Variants in SEPTIN2 observed in about 807,000 individuals in gnomAD.
The protein encoded by SEPTIN2 is septin-2.
A neutral mutation model predicts 46.5 loss-of-function variants in SEPTIN2; 34 were observed. The observed-to-expected ratio is 0.73, with a 90% CI of 0.56 to 0.97. The LOEUF is 0.97. Among genes scored for constraint, SEPTIN2 ranks in the 50% least tolerant of loss-of-function variants. SEPTIN2 has a pLI of 0.00. For synonymous variants in SEPTIN2, 175 were observed against 153.4 expected (o/e 1.14, Z -1.04); for missense variants, 347 against 448.4 (o/e 0.77, Z 2.04).
chr2:241,323,439 G>A (rs1299631698), intron 1 of SEPTIN2, among the ~76,000 whole-genome samples: 1 of 152,088 alleles, frequency 6.6e-6, no homozygotes, highest in Non-Finnish European at 1.5e-5. Flanking sequence ...AGTATTTTTA[G>A]TAGAGATGGG....
At chr2:241,343,352 A>G (rs1394513346) in intron 8 of SEPTIN2, among the ~76,000 whole-genome samples, 2 of 152,148 alleles carry the variant, frequency 1.3e-5, no homozygotes, top group Admixed American at 6.5e-5. Flanking sequence ...TACAAAAATT[A>G]GGTGGATGTG....
intron 7 of SEPTIN2, among the ~76,000 whole-genome samples, chr2:241,338,858 A>G (rs1435619559): frequency 1.1e-5 from 1 of 95,224 alleles, no homozygotes; most frequent in Admixed American, 1.9e-4. Context: ...TAATATATAT[A>G]AAAATATATA....
rs545479031 is a variant in SEPTIN2, at chr2:241,352,740, C to T, written c.*803C>T. On this transcript the variant is annotated 3_prime_UTR_variant, in exon 13 of 13. Coordinates refer to ENST00000391971, the MANE Select transcript of SEPTIN2 (RefSeq NM_004404.5). ...GAGAAAATCAAAGCAGTCATAAGCT[C>T]CAGTTTTCGTATTGCAAATAAGACT... is the stretch of plus-strand genomic sequence containing the variant. 4 of 152,250 alleles carry T rather than the reference C, an allele frequency of 2.6e-5. No individual in the cohort carries two copies. The highest frequency in any genetic ancestry group is 5.9e-5 in the Non-Finnish European group (4 of 68,034). The allele number at this position is 152,250 out of a possible 1,614,324, so 9.4% of individuals were successfully genotyped here.
Position 241,337,399 on chromosome 2 carries a change from C to T in SEPTIN2, c.359C>T (p.Ser120Phe), listed in dbSNP as rs767773476. 6.8e-6 allele frequency: 11 copies of T among 1,613,646 alleles called. No homozygotes were observed. The highest frequency in any genetic ancestry group is 1.3e-5 in the African/African-American group (1 of 74,886). Residue 120 changes from serine to phenylalanine, a missense_variant, in exon 6 of 13, where the codon TCC becomes TTC. Coordinates refer to ENST00000391971, the MANE Select transcript of SEPTIN2 (RefSeq NM_004404.5). Reference protein sequence around the residue: ...NCRDCFKTIISYIDEQFERYL... With the variant: ...NCRDCFKTIIFYIDEQFERYL... ...TCTCTCAGTTTTAAGACAATTATCT[C>T]CTATATTGATGAGCAATTTGAGAGG...
At chr2:241,336,954 C>G (rs1457509230) in intron 5 of SEPTIN2, 1 of 155,550 alleles carries the variant, frequency 6.4e-6, no homozygotes, top group African/African-American at 2.4e-5. Flanking sequence ...ATTAGCCGGG[C>G]GTGGTGGCGT....
Position 241,324,200 on chromosome 2 carries a change from G to GT in SEPTIN2, c.-17-6dup, listed in dbSNP as rs140488346. The GT allele has an allele frequency of 4.8e-3, 6,497 of 1,345,196 alleles. 4 individuals are homozygous for GT. The highest frequency in any genetic ancestry group is 0.013 in the African/African-American group (851 of 67,466). The allele number at this position is 1,345,196 out of a possible 1,614,324, so 83.3% of individuals were successfully genotyped here. ...TATGTGCGTTTATGTGTGTCTGTGT[G>GT]TTTTTTTTTTAACAGACGAAGCTTC... On this transcript the variant is annotated splice_polypyrimidine_tract_variant and intron_variant, in intron 1 of 12. Transcript: ENST00000391971.
At chr2:241,336,333 T>C (rs1025207903) in intron 5 of SEPTIN2, 1 of 487,134 alleles carries the variant, frequency 2.1e-6, no homozygotes, top group Non-Finnish European at 3.6e-6. Flanking sequence ...CATAGACTGC[T>C]AGTATAAATG....
chr2:241,334,343 G>A lies in SEPTIN2; in HGVS notation c.131-783G>A, dbSNP rs543802819. On this transcript the variant is annotated intron_variant, in intron 3 of 12. Transcript: ENST00000391971. Reference sequence around the variant, plus strand: ...ATGATCATCTGCAATGAAGCAGTGGGATTTGTGCTTCCTTCAAATGTAAAA... The same window carrying A: ...ATGATCATCTGCAATGAAGCAGTGGAATTTGTGCTTCCTTCAAATGTAAAA... Among the ~76,000 whole-genome samples the A allele has an allele frequency of 1.2e-4, 18 of 152,294 alleles. 1 individual carries two copies. The South Asian group carries it at 3.5e-3, about 30-fold the overall frequency.
chr2:241,316,581 G>T, intron 1 of SEPTIN2: 2 of 1,477,476 alleles, frequency 1.4e-6, no homozygotes, highest in East Asian at 2.7e-5. Flanking sequence ...AGGGGGTAGG[G>T]TATAGGGTTG....
At chr2:241,343,958 G>A (rs1311867284) in intron 9 of SEPTIN2, 61 bp downstream of exon 9, 4 of 1,591,884 alleles carry the variant, frequency 2.5e-6, no homozygotes, top group East Asian at 4.5e-5. Context: ...GATTTCAGAC[G>A]GGGTGTACAC....
chr2:241,331,040 G>A lies in SEPTIN2; in HGVS notation c.131-4086G>A, dbSNP rs573254538. 7.9e-5 allele frequency among the ~76,000 whole-genome samples: 12 copies of A among 152,272 alleles called. No individual in the cohort carries two copies. In the South Asian group the frequency reaches 2.5e-3, roughly 32 times the overall value. On this transcript the variant is annotated intron_variant, in intron 3 of 12. Coordinates refer to ENST00000391971, the MANE Select transcript of SEPTIN2 (RefSeq NM_004404.5). ...TGTAAAGTACTGAAATTAGCCGGCC[G>A]TGATGGTGGGTGCCTGTAATTTCAG...
At chr2:241,317,533 GTAT>G in intron 1 of SEPTIN2, 1 of 963,080 alleles carries the variant, frequency 1.0e-6, no homozygotes, top group Non-Finnish European at 1.2e-6. Context: ...GAAGTTGTGG[GTAT>G]TTTTTTTTTT....
chr2:241,348,032 G>A, intron 10 of SEPTIN2, 102 bp from the exon 11 acceptor site: 1 of 890,936 alleles, frequency 1.1e-6, no homozygotes, highest in South Asian at 1.5e-5. Context: ...AAAGAGAAAT[G>A]ATAAATACAT....
In SEPTIN2 at chr2:241,353,769, G is replaced by C. The variant is rs1292941230; in HGVS notation, c.*1832G>C. 2 of 153,358 alleles carry C rather than the reference G, an allele frequency of 1.3e-5. No individual in the cohort carries two copies. Among genetic ancestry groups the C allele is most frequent in the African/African-American group, 4.8e-5 (2 of 41,444 alleles). 9.5% of individuals were successfully genotyped at this position (153,358 alleles called of 1,614,324 possible). A position where few individuals can be genotyped will look rare whatever the true frequency, so the allele number is the denominator to read the frequency against. On this transcript the variant is annotated 3_prime_UTR_variant, in exon 13 of 13. Coordinates refer to ENST00000391971, the MANE Select transcript of SEPTIN2 (RefSeq NM_004404.5). Reference sequence around the variant, plus strand: ...GCTAGTGACTAAGCCCCGCATATGTGAGTGAAAGTACTTCAGGCACGCTGC... The same window carrying C: ...GCTAGTGACTAAGCCCCGCATATGTCAGTGAAAGTACTTCAGGCACGCTGC...
At chr2:241,332,260 T>A (rs1393624203) in intron 3 of SEPTIN2, among the ~76,000 whole-genome samples, 2 of 152,228 alleles carry the variant, frequency 1.3e-5, no homozygotes, top group Non-Finnish European at 2.9e-5. Context: ...ACTCAGAAAG[T>A]ATTCATAGTA....
chr2:241,336,557 A>C (rs1021761344), intron 5 of SEPTIN2, among the ~76,000 whole-genome samples: 1 of 152,198 alleles, frequency 6.6e-6, no homozygotes, highest in Non-Finnish European at 1.5e-5. Flanking sequence ...TTTGTTGTAC[A>C]AACTCCCTCC....
At chr2:241,328,101 G>A (rs1398759169) in intron 3 of SEPTIN2, among the ~76,000 whole-genome samples, 1 of 152,052 alleles carries the variant, frequency 6.6e-6, no homozygotes, top group African/African-American at 2.4e-5. Context: ...ACATACAGGG[G>A]ATTGAAGATA....
At position 241,315,962 on chromosome 2, in the gene SEPTIN2, T is replaced by G. The variant is rs2076112603; in HGVS notation, c.-38T>G. On this transcript the variant is annotated 5_prime_UTR_variant, in exon 1 of 13. Coordinates refer to ENST00000391971, the MANE Select transcript of SEPTIN2 (RefSeq NM_004404.5). Reference sequence around the variant, plus strand: ...GTCCGCGGCGCGGTCGGTCGGCGCCTGTTCTCGGGCTGTTTGGCGGGTGAG... The same window carrying G: ...GTCCGCGGCGCGGTCGGTCGGCGCCGGTTCTCGGGCTGTTTGGCGGGTGAG... The G allele has an allele frequency of 6.6e-6, 1 of 152,140 alleles. No individual in the cohort carries two copies. The highest frequency in any genetic ancestry group is 2.1e-4 in the South Asian group (1 of 4,838). 9.4% of individuals were successfully genotyped at this position (152,140 alleles called of 1,614,324 possible).
At chr2:241,338,273 C>T (rs1273857554) in intron 7 of SEPTIN2, among the ~76,000 whole-genome samples, 2 of 152,016 alleles carry the variant, frequency 1.3e-5, no homozygotes, top group Non-Finnish European at 2.9e-5. Context: ...GTGCCTCTTC[C>T]GTGTATGTCT....
Sources: gnomAD v4.1 joint callset for allele counts (sites outside exome capture counted in the v4.1 genomes callset) on GRCh38, gnomAD v4.1.1 for gene constraint, MANE v1.5 for transcripts, NCBI Gene and HGNC (gene_info 2026-07-23, HGNC 2026-07-21) for gene names.